Variants in CCDC7 observed in about 807,000 individuals in gnomAD.
CCDC7 encodes the protein coiled-coil domain-containing protein 7.
CCDC7 carries 183 observed loss-of-function variants against 196.9 expected under a neutral mutation model. The ratio of observed to expected loss-of-function variants is 0.93; its 90% CI spans 0.82 to 1.05. CCDC7 has a LOEUF of 1.05. Among genes scored for constraint, CCDC7 ranks in the 50% least tolerant of loss-of-function variants. The pLI, the probability that CCDC7 is intolerant of heterozygous loss-of-function variation, is 0.00. For missense variants in CCDC7, 1,540 were observed against 1,482.2 expected, an observed-to-expected ratio of 1.04 and a Z score of -0.64; for synonymous variants, 525 against 484.6, an observed-to-expected ratio of 1.08 and a Z score of -1.10.
chr10:32,473,647 T>C (rs1352216761), intron 7 of CCDC7, among the ~76,000 whole-genome samples: 1 of 152,118 alleles, frequency 6.6e-6, no homozygotes, highest in African/African-American at 2.4e-5. Context: ...TTGAGAAATA[T>C]TTACTTGAAA....
chr10:32,542,645 A>AAG (rs1554832879), intron 11 of CCDC7, among the ~76,000 whole-genome samples: 1 of 151,290 alleles, frequency 6.6e-6, no homozygotes, highest in African/African-American at 2.4e-5. Context: ...AAAAAAAAAA[A>AAG]AAAAAAAAGC....
At chr10:32,625,610 T>C (rs1398105599) in intron 18 of CCDC7, among the ~76,000 whole-genome samples, 1 of 152,026 alleles carries the variant, frequency 6.6e-6, no homozygotes, top group Non-Finnish European at 1.5e-5. Context: ...TTTACTCTCA[T>C]AGCAATTTTG....
chr10:32,470,140 T>C (rs986285054), intron 5 of CCDC7, among the ~76,000 whole-genome samples: 1 of 152,220 alleles, frequency 6.6e-6, no homozygotes, highest in Non-Finnish European at 1.5e-5. Flanking sequence ...TCTGCTGTTA[T>C]ATCCTACTCT....
chr10:32,782,759 G>C (rs2081262350), intron 29 of CCDC7, among the ~76,000 whole-genome samples: 1 of 152,138 alleles, frequency 6.6e-6, no homozygotes, highest in African/African-American at 2.4e-5. Context: ...TTACTATAAA[G>C]CTACAGTAAT....
At chr10:32,807,605 C>A (rs1007360418) in intron 30 of CCDC7, among the ~76,000 whole-genome samples, 7 of 151,970 alleles carry the variant, frequency 4.6e-5, no homozygotes, top group Admixed American at 2.6e-4. Flanking sequence ...TAAGTAGGAT[C>A]GATAAAGTCC....
intron 16 of CCDC7, among the ~76,000 whole-genome samples, chr10:32,581,665 G>A (rs185282759): frequency 1.4e-3 from 219 of 152,260 alleles, no homozygotes; most frequent in Middle Eastern, 0.014. Flanking sequence ...AAGCCTGAAC[G>A]TGGGAATATG....
intron 8 of CCDC7, among the ~76,000 whole-genome samples, chr10:32,490,791 C>T (rs1282186151): frequency 6.6e-6 from 1 of 151,452 alleles, no homozygotes; most frequent in African/African-American, 2.4e-5. Context: ...GAGCGAGACT[C>T]CGCCTCAAAA....
At position 32,694,129 on chromosome 10, in the gene CCDC7, ATTTATTCCTTTGAATAAATCAAGAAG is replaced by A. The variant is rs1178982535; in HGVS notation, c.2345-739_2345-714del. On this transcript the variant is annotated intron_variant, in intron 23 of 41. Transcript: ENST00000639629. ...TCCTTACAATTTTGCTTTGCTTTTG[ATTTATTCCTTTGAATAAATCAAGAAG>A]TTTATTCCTTGACTTAACTCACCAC... is the stretch of plus-strand genomic sequence containing the variant. Among the ~76,000 whole-genome samples the A allele has an allele frequency of 2.6e-5, 4 of 152,270 alleles. No homozygotes were observed. In the East Asian group the frequency reaches 7.7e-4, roughly 29 times the overall value.
chr10:32,833,091 T>C lies in CCDC7; in HGVS notation c.3269-1724T>C, dbSNP rs914260385. On this transcript the variant is annotated intron_variant, in intron 32 of 41. Coordinates refer to ENST00000639629, the Ensembl canonical transcript of CCDC7. ...TTGTTCTTCTTTCTTTTCTCAGTTC[T>C]TTAAAAGGTATAAAGTTATATAGAG... 5.9e-5 allele frequency among the ~76,000 whole-genome samples: 9 copies of C among 152,092 alleles called. No homozygotes were observed. In the East Asian group the frequency reaches 1.7e-3, roughly 29 times the overall value.
chr10:32,716,939 A>C (rs1369447056), intron 25 of CCDC7, among the ~76,000 whole-genome samples: 1 of 152,176 alleles, frequency 6.6e-6, no homozygotes, highest in Non-Finnish European at 1.5e-5. Context: ...TAATAGTGTG[A>C]TACTTTAACA....
At chr10:32,667,701 G>T (rs1009634921) in intron 21 of CCDC7, among the ~76,000 whole-genome samples, 2 of 152,110 alleles carry the variant, frequency 1.3e-5, no homozygotes, top group African/African-American at 2.4e-5. Context: ...TTATTTCTGA[G>T]GGCTCTGTTC....
intron 28 of CCDC7, among the ~76,000 whole-genome samples, chr10:32,758,592 C>A (rs2133761845): frequency 6.6e-6 from 1 of 152,200 alleles, no homozygotes; most frequent in East Asian, 1.9e-4. Context: ...ATTGATGGGA[C>A]ATATCTCAAA....
chr10:32,762,681 A>G (rs2077643374), intron 28 of CCDC7, among the ~76,000 whole-genome samples: 1 of 151,850 alleles, frequency 6.6e-6, no homozygotes. Flanking sequence ...AACTGATGGA[A>G]GAGAATAGAT....
chr10:32,820,882 A>T (rs1319125129), intron 31 of CCDC7, among the ~76,000 whole-genome samples: 1 of 152,152 alleles, frequency 6.6e-6, no homozygotes, highest in Non-Finnish European at 1.5e-5. Context: ...AACCTAGGCA[A>T]TACCATTCAG....
At chr10:32,633,819 A>T (rs923181931) in intron 18 of CCDC7, among the ~76,000 whole-genome samples, 2 of 151,472 alleles carry the variant, frequency 1.3e-5, no homozygotes, top group African/African-American at 4.8e-5. Flanking sequence ...CAGAAGGTAT[A>T]CTTAGAGCAG....
chr10:32,728,649 T>C (rs375063805), intron 26 of CCDC7, among the ~76,000 whole-genome samples: 4 of 152,220 alleles, frequency 2.6e-5, no homozygotes, highest in East Asian at 3.8e-4. Context: ...TTTGATTATG[T>C]ATTAAAGTAT....
intron 29 of CCDC7, among the ~76,000 whole-genome samples, chr10:32,800,641 G>A (rs1045671125): frequency 1.3e-5 from 2 of 152,158 alleles, no homozygotes; most frequent in Admixed American, 1.3e-4. Flanking sequence ...CTAGTAAAAG[G>A]CTGGAGGTCT....
In CCDC7 at chr10:32,566,372, G is replaced by A. The variant is rs146640094; in HGVS notation, c.1197+752G>A. 2.2e-4 allele frequency among the ~76,000 whole-genome samples: 33 copies of A among 152,158 alleles called. No individual in the cohort carries two copies. The East Asian group carries it at 6.4e-3, about 29-fold the overall frequency. On this transcript the variant is annotated intron_variant, in intron 14 of 41. Coordinates refer to ENST00000639629, the Ensembl canonical transcript of CCDC7. ...AAAGTTTATCCTAAAGAAGAAAAAAGTGTACAGAGATTTTGTACAAGTATG... is the reference window on the plus strand; with the variant it reads ...AAAGTTTATCCTAAAGAAGAAAAAAATGTACAGAGATTTTGTACAAGTATG...
chr10:32,485,229 CG>C (rs2040803785), intron 8 of CCDC7, among the ~76,000 whole-genome samples: 1 of 149,866 alleles, frequency 6.7e-6, no homozygotes, highest in South Asian at 2.1e-4. Flanking sequence ...AGTCTTGGGA[CG>C]GTGTGTCGAG....
Sources: gnomAD v4.1 joint callset for allele counts (sites outside exome capture counted in the v4.1 genomes callset) on GRCh38, gnomAD v4.1.1 for gene constraint, MANE v1.5 for transcripts, NCBI Gene and HGNC (gene_info 2026-07-23, HGNC 2026-07-21) for gene names.